The following ZNF134 variants were observed in gnomAD, a reference collection of about 807,000 sequenced individuals.
ZNF134 encodes zinc finger protein 134 (clone pHZ-15).
Under a neutral mutation model 2.5 loss-of-function variants are expected in ZNF134, and 5 were observed. The observed-to-expected ratio is 2.03, with a 90% confidence interval of 1.06 to 4.27. The LOEUF is 4.27. Ranked by LOEUF, ZNF134 falls within the 30% of genes most tolerant of loss-of-function variation. ZNF134 has a pLI of 0.00. For missense variants in ZNF134, 540 were observed against 517.5 expected (o/e 1.04, Z -0.42); for synonymous variants, 176 against 176.2 (o/e 1.00, Z 0.01).
At chr19:57,616,974 G>A (rs770074760) in intron 1 of ZNF134, among the ~76,000 whole-genome samples, 3 of 152,116 alleles carry the variant, frequency 2.0e-5, no homozygotes, top group Non-Finnish European at 2.9e-5. Context: ...TATGTGGAAG[G>A]GTTTCTATTT....
intron 1 of ZNF134, among the ~76,000 whole-genome samples, chr19:57,614,731 C>G (rs1271348947): frequency 6.6e-6 from 1 of 152,048 alleles, no homozygotes; most frequent in Non-Finnish European, 1.5e-5. Flanking sequence ...CCTGCAATGT[C>G]GAGGGGAGAA....
chr19:57,618,255 G>A (rs1047160159), intron 1 of ZNF134, among the ~76,000 whole-genome samples: 2 of 152,194 alleles, frequency 1.3e-5, no homozygotes, highest in African/African-American at 4.8e-5. Flanking sequence ...TGGATTCAGG[G>A]CAACCCATGG....
At chr19:57,615,962 T>C (rs1415125082) in intron 1 of ZNF134, among the ~76,000 whole-genome samples, 1 of 152,208 alleles carries the variant, frequency 6.6e-6, no homozygotes, top group Non-Finnish European at 1.5e-5. Flanking sequence ...TGAAGAGGAA[T>C]TTTATTATAT....
Position 57,621,598 on chromosome 19 carries a change from T to G in ZNF134, c.*195T>G. On this transcript the variant is annotated 3_prime_UTR_variant, in exon 3 of 3. Transcript: ENST00000396161. ...CATGTGGCCGAAACCATCTTAACTC[T>G]ACCAGCTAAGATACCCCAGCATTGG... 7.0e-6 allele frequency: 6 copies of G among 862,298 alleles called. No individual in the cohort carries two copies. The highest frequency in any genetic ancestry group is 1.2e-5 in the Non-Finnish European group (6 of 509,864). The allele number at this position is 862,298 out of a possible 1,614,324, so 53.4% of individuals were successfully genotyped here. A position where few individuals can be genotyped will look rare whatever the true frequency, so the allele number is the denominator to read the frequency against.
rs1437377021 is a variant in ZNF134, at chr19:57,623,723, A to G, written c.*2320A>G. On this transcript the variant is annotated 3_prime_UTR_variant, in exon 3 of 3. Coordinates refer to ENST00000396161, the MANE Select transcript of ZNF134 (RefSeq NM_003435.5). ...TGAAGAGATTAAATGTGACTTGTAG[A>G]TCCCCTCAATACAAACAATTTATAA... The G allele has an allele frequency of 6.6e-6, 1 of 152,208 alleles. No individual in the cohort carries two copies. Among genetic ancestry groups the G allele is most frequent in the Non-Finnish European group, 1.5e-5 (1 of 68,034 alleles). The allele number at this position is 152,208 out of a possible 1,614,324, so 9.4% of individuals were successfully genotyped here.
At chr19:57,619,306 A>T in intron 1 of ZNF134, 106 bp from the exon 2 acceptor site, 1 of 872,788 alleles carries the variant, frequency 1.1e-6, no homozygotes, top group Non-Finnish European at 1.8e-6. Flanking sequence ...CAATTTTCTG[A>T]GGTTCATTTT....
Position 57,624,714 on chromosome 19 carries a change from C to T in ZNF134, c.*3311C>T, listed in dbSNP as rs559044355. On this transcript the variant is annotated 3_prime_UTR_variant, in exon 3 of 3. Coordinates refer to ENST00000396161, the MANE Select transcript of ZNF134 (RefSeq NM_003435.5). ...TTTGCTTCACAATAAAAGCTGCTTG[C>T]CTTTGCTTCACTGTGACTCGTCACT... The T allele has an allele frequency of 6.6e-6, 1 of 152,346 alleles. No individual in the cohort carries two copies. The highest frequency in any genetic ancestry group is 6.5e-5 in the Admixed American group (1 of 15,302). 9.4% of individuals were successfully genotyped at this position (152,346 alleles called of 1,614,324 possible). A position where few individuals can be genotyped will look rare whatever the true frequency, so the allele number is the denominator to read the frequency against.
chr19:57,624,493 A>G lies in ZNF134; in HGVS notation c.*3090A>G, dbSNP rs1173109529. ...AACTGCCAGAACCCCAGTCAGGGTGACATGTCTGTAACTCTTCCAGGCAAA... is the reference window on the plus strand; with the variant it reads ...AACTGCCAGAACCCCAGTCAGGGTGGCATGTCTGTAACTCTTCCAGGCAAA... On this transcript the variant is annotated 3_prime_UTR_variant, in exon 3 of 3. Coordinates refer to ENST00000396161, the MANE Select transcript of ZNF134 (RefSeq NM_003435.5). 1 of 152,250 alleles carries G rather than the reference A, an allele frequency of 6.6e-6. No homozygotes were observed. Among genetic ancestry groups the G allele is most frequent in the Non-Finnish European group, 1.5e-5 (1 of 68,056 alleles). 9.4% of individuals were successfully genotyped at this position (152,250 alleles called of 1,614,324 possible).
rs1170936464 is a variant in ZNF134, at chr19:57,614,396, G to A, written c.-165G>A. On this transcript the variant is annotated 5_prime_UTR_variant, in exon 1 of 3. Transcript: ENST00000396161. ...CAGCGAAGACCCCGCCTGCGCCCCC[G>A]GGGACGGACGACCGCGGTGCCAGGG... The A allele has an allele frequency of 1.1e-5, 5 of 451,794 alleles. No individual in the cohort carries two copies. The highest frequency in any genetic ancestry group is 6.2e-5 in the South Asian group (4 of 64,202). 28.0% of individuals were successfully genotyped at this position (451,794 alleles called of 1,614,324 possible).
chr19:57,620,081 CAGCAG>C, intron 2 of ZNF134, 74 bp from the exon 3 acceptor site: 1 of 1,524,600 alleles, frequency 6.6e-7, no homozygotes, highest in South Asian at 1.3e-5. Flanking sequence ...GTCCTGGGTA[CAGCAG>C]ACACATATTT....
At chr19:57,615,143 G>T (rs1213147309) in intron 1 of ZNF134, among the ~76,000 whole-genome samples, 2 of 152,124 alleles carry the variant, frequency 1.3e-5, no homozygotes, top group African/African-American at 2.4e-5. Context: ...GTAAGTCACA[G>T]CAGGGAGCAC....
rs1981215123 is a variant in ZNF134 at position 57,621,368 on chromosome 19, C to A, written c.1249C>A (p.Arg417=). 6.2e-7 allele frequency: 1 copy of A among 1,613,894 alleles called. No homozygotes were observed. Among genetic ancestry groups the A allele is most frequent in the African/African-American group, 1.3e-5 (1 of 74,918 alleles). The change falls in exon 3 of 3, where the codon CGG becomes AGG. Residue 417 remains arginine, a synonymous_variant. Transcript: ENST00000396161. ...CTACAGCTTAAGCTCCCACCTCAATCGGCACCAGAAAGTTCACACTGCAGG... is the reference window on the plus strand; with the variant it reads ...CTACAGCTTAAGCTCCCACCTCAATAGGCACCAGAAAGTTCACACTGCAGG... The part of the protein sequence containing the change: ...KAYSLSSHLN[R]HQKVHTAGRL
In ZNF134 at chr19:57,621,564, C is replaced by G; in HGVS notation, c.*161C>G. ...CAGGTTTTTTGCCAGAGTTATGTCACTGTCAATCCATGTGGCCGAAACCAT... is the reference window on the plus strand; with the variant it reads ...CAGGTTTTTTGCCAGAGTTATGTCAGTGTCAATCCATGTGGCCGAAACCAT... On this transcript the variant is annotated 3_prime_UTR_variant, in exon 3 of 3. Coordinates refer to ENST00000396161, the MANE Select transcript of ZNF134 (RefSeq NM_003435.5). 1 of 1,099,316 alleles carries G rather than the reference C, an allele frequency of 9.1e-7. No homozygotes were observed. The highest frequency in any genetic ancestry group is 1.4e-6 in the Non-Finnish European group (1 of 724,580). The allele number at this position is 1,099,316 out of a possible 1,614,324, so 68.1% of individuals were successfully genotyped here. A position where few individuals can be genotyped will look rare whatever the true frequency, so the allele number is the denominator to read the frequency against.
chr19:57,615,078 T>C (rs963867388), intron 1 of ZNF134, among the ~76,000 whole-genome samples: 3 of 152,118 alleles, frequency 2.0e-5, no homozygotes, highest in African/African-American at 7.2e-5. Flanking sequence ...GAAAGGGCTA[T>C]CCAGGGTTTT....
At position 57,623,963 on chromosome 19, in the gene ZNF134, A is replaced by G. The variant is rs1024079420; in HGVS notation, c.*2560A>G. 7.2e-5 allele frequency: 11 copies of G among 152,330 alleles called. No individual in the cohort carries two copies. Among genetic ancestry groups the G allele is most frequent in the African/African-American group, 2.6e-4 (11 of 41,588 alleles). 9.4% of individuals were successfully genotyped at this position (152,330 alleles called of 1,614,324 possible). A position where few individuals can be genotyped will look rare whatever the true frequency, so the allele number is the denominator to read the frequency against. On this transcript the variant is annotated 3_prime_UTR_variant, in exon 3 of 3. Coordinates refer to ENST00000396161, the MANE Select transcript of ZNF134 (RefSeq NM_003435.5). ...ATGAAGTTAAAGGGTGTAGGCATGTAAAGTGTGAAGTTAAAGGTTGTAATA... is the reference window on the plus strand; with the variant it reads ...ATGAAGTTAAAGGGTGTAGGCATGTGAAGTGTGAAGTTAAAGGTTGTAATA...
chr19:57,617,641 G>A (rs924490035), intron 1 of ZNF134, among the ~76,000 whole-genome samples: 1 of 152,140 alleles, frequency 6.6e-6, no homozygotes, highest in African/African-American at 2.4e-5. Context: ...TCAGAGAAGG[G>A]ATTCAGGTTG....
intron 1 of ZNF134, among the ~76,000 whole-genome samples, chr19:57,615,424 C>A (rs946561933): frequency 1.3e-5 from 2 of 151,978 alleles, no homozygotes; most frequent in Admixed American, 6.6e-5. Flanking sequence ...CTTAAGATTC[C>A]TTCCAGAAAG....
Position 57,621,603 on chromosome 19 carries a change from G to A in ZNF134, c.*200G>A. On this transcript the variant is annotated 3_prime_UTR_variant, in exon 3 of 3. Transcript: ENST00000396161. ...GGCCGAAACCATCTTAACTCTACCA[G>A]CTAAGATACCCCAGCATTGGGGAAG... 1 of 840,260 alleles carries A rather than the reference G, an allele frequency of 1.2e-6. No individual in the cohort carries two copies. Among genetic ancestry groups the A allele is most frequent in the Admixed American group, 1.7e-5 (1 of 58,730 alleles). The allele number at this position is 840,260 out of a possible 1,614,324, so 52.1% of individuals were successfully genotyped here.
At chr19:57,617,131 T>C (rs1377399096) in intron 1 of ZNF134, among the ~76,000 whole-genome samples, 5 of 152,176 alleles carry the variant, frequency 3.3e-5, no homozygotes, top group African/African-American at 9.7e-5. Flanking sequence ...AGGGACAGGA[T>C]TCAGCCCAGA....
Sources: gnomAD v4.1 joint callset for allele counts (sites outside exome capture counted in the v4.1 genomes callset) on GRCh38, gnomAD v4.1.1 for gene constraint, MANE v1.5 for transcripts, NCBI Gene and HGNC (gene_info 2026-07-23, HGNC 2026-07-21) for gene names.